GET1: variants seen among roughly 807,000 people sequenced by gnomAD.
GET1 encodes the protein guided entry of tail-anchored proteins factor 1, also known as congenital heart disease 5 protein.
A neutral mutation model predicts 22.6 loss-of-function variants in GET1; 20 were observed. The ratio of observed to expected loss-of-function variants is 0.89; its 90% CI spans 0.62 to 1.29. The LOEUF (loss-of-function observed/expected upper bound fraction) is 1.29. GET1 is among the 50% of genes most tolerant of loss of function. GET1 has a pLI of 0.00. For missense variants in GET1, 209 were observed against 219.9 expected (o/e 0.95, Z 0.31); for synonymous variants, 92 against 83.8 (o/e 1.10, Z -0.53).
chr21:39,408,312 C>T (rs1387221431), downstream of GET1, among the ~76,000 whole-genome samples: 4 of 152,162 alleles, frequency 2.6e-5, no homozygotes, highest in Non-Finnish European at 5.9e-5. Flanking sequence ...CTTACCTGCA[C>T]CCATTTACAA....
exon 5 of GET1, chr21:39,406,084 C>G (rs1319186407): frequency 1.2e-6 from 2 of 1,614,176 alleles, no homozygotes; most frequent in Non-Finnish European, 1.7e-6. Context: ...ATAGCCTGAT[C>G]CAAAGAGTTC....
chr21:39,385,041 T>C lies in GET1; in HGVS notation c.102+4555T>C, dbSNP rs777039169. Among the ~76,000 whole-genome samples the C allele has an allele frequency of 1.1e-3, 168 of 152,062 alleles. 6 individuals are homozygous for C. Among genetic ancestry groups the C allele is most frequent in the Non-Finnish European group, 3.8e-4 (26 of 68,020 alleles). On this transcript the variant is annotated intron_variant, in intron 1 of 4. Transcript: ENST00000649170. ...CTGTAAGGAACGCGCTGGTCTTCAG[T>C]AGGGTCAAATGCTGCTCCTTCACCA...
chr21:39,386,568 A>C (rs2037919368), intron 1 of GET1: 1 of 152,030 alleles, frequency 6.6e-6, no homozygotes. Flanking sequence ...GAGCTTCCTG[A>C]GTTGGAAGAC....
At chr21:39,385,900 C>G (rs2037859647) in intron 1 of GET1, among the ~76,000 whole-genome samples, 2 of 152,020 alleles carry the variant, frequency 1.3e-5, no homozygotes, top group Admixed American at 1.3e-4. Context: ...TCTATGCAAA[C>G]CGCATACACT....
At chr21:39,406,389 C>T in exon 5 of GET1, 1 of 1,614,124 alleles carries the variant, frequency 6.2e-7, no homozygotes, top group Non-Finnish European at 8.5e-7. Context: ...GTGTGTCATC[C>T]ACACCATTTC....
intron 1 of GET1, among the ~76,000 whole-genome samples, chr21:39,426,865 G>A (rs907764146): frequency 2.0e-5 from 3 of 152,166 alleles, no homozygotes; most frequent in African/African-American, 7.2e-5. Context: ...AGGACCCCCA[G>A]CTCTCTAGAA....
At chr21:39,394,890 T>C (rs2038537657) in intron 4 of GET1, among the ~76,000 whole-genome samples, 1 of 152,136 alleles carries the variant, frequency 6.6e-6, no homozygotes, top group Non-Finnish European at 1.5e-5. Context: ...TCTTTTCTTT[T>C]TGAGGCAGGG....
chr21:39,421,101 G>A (rs111299354), intron 1 of GET1, among the ~76,000 whole-genome samples: 5 of 125,412 alleles, frequency 4.0e-5, no homozygotes, highest in Admixed American at 1.6e-4. Context: ...TTAACAATTC[G>A]TTTTTTTTTT....
chr21:39,417,443 C>T (rs1344009431), intron 1 of GET1, among the ~76,000 whole-genome samples: 2 of 152,232 alleles, frequency 1.3e-5, no homozygotes, highest in Non-Finnish European at 2.9e-5. Context: ...GCTGTCCCTT[C>T]TACTCTATTC....
downstream of GET1, among the ~76,000 whole-genome samples, chr21:39,409,212 CAT>C (rs1282253826): frequency 2.0e-5 from 3 of 152,118 alleles, no homozygotes; most frequent in Non-Finnish European, 4.4e-5. This position sits in a 1 kb window ranked among gnomAD's most constrained non-coding sequence, Gnocchi z 4.2. Context: ...CACATGAAGA[CAT>C]AGTGAGAAGC....
chr21:39,428,357 T>C (rs961492641), exon 2 of GET1: 9 of 1,613,520 alleles, frequency 5.6e-6, no homozygotes, highest in Admixed American at 1.7e-5. Context: ...AACACTCTTA[T>C]TGGAAGCATT....
intron 1 of GET1, among the ~76,000 whole-genome samples, chr21:39,415,946 T>G (rs1052280209): frequency 1.3e-5 from 2 of 152,126 alleles, no homozygotes; most frequent in African/African-American, 4.8e-5. Flanking sequence ...TTGGCATGAG[T>G]AGGTGGTGGT....
At chr21:39,396,401 G>A (rs919802200) in intron 4 of GET1, among the ~76,000 whole-genome samples, 12 of 152,120 alleles carry the variant, frequency 7.9e-5, no homozygotes, top group South Asian at 2.1e-4. Flanking sequence ...GGTGGCGGGC[G>A]CCTGTAGTCC....
At chr21:39,412,220 G>T (rs1434098539) in intron 1 of GET1, among the ~76,000 whole-genome samples, 1 of 152,204 alleles carries the variant, frequency 6.6e-6, no homozygotes, top group Non-Finnish European at 1.5e-5. Flanking sequence ...GCAGCTGTGT[G>T]TGACTAGTGA....
At chr21:39,387,920 T>A (rs908887664) in intron 1 of GET1, 7 of 866,018 alleles carry the variant, frequency 8.1e-6, no homozygotes, top group Non-Finnish European at 9.7e-6. Flanking sequence ...TTAGATACAC[T>A]ATAACATTTC....
chr21:39,416,407 C>T (rs2041162419), intron 1 of GET1, among the ~76,000 whole-genome samples: 1 of 152,210 alleles, frequency 6.6e-6, no homozygotes, highest in African/African-American at 2.4e-5. Context: ...TTTGATACTA[C>T]CCTAATGGTC....
chr21:39,397,945 T>C (rs2038739893), downstream of GET1: 1 of 152,154 alleles, frequency 6.6e-6, no homozygotes, highest in Admixed American at 6.6e-5. Context: ...AATAAGTAGT[T>C]TGTTGTTATT....
intron 2 of GET1, chr21:39,391,345 AG>A (rs1264477272): frequency 7.7e-6 from 2 of 260,890 alleles, no homozygotes; most frequent in Non-Finnish European, 1.5e-5. Context: ...GTGTGTGCAC[AG>A]TCAGAGAGCT....
At chr21:39,411,806 A>G in intron 1 of GET1, 2 of 1,564,968 alleles carry the variant, frequency 1.3e-6, no homozygotes, top group Non-Finnish European at 1.7e-6. Context: ...CCTTTTCCTA[A>G]AAAGAACCAC....
Sources: gnomAD v4.1 joint callset for allele counts (sites outside exome capture counted in the v4.1 genomes callset) on GRCh38, gnomAD v4.1.1 for gene constraint, Gnocchi (gnomAD v3.1) non-coding constraint, MANE v1.5 for transcripts, NCBI Gene and HGNC (gene_info 2026-07-23, HGNC 2026-07-21) for gene names.